Variants in SUCLG2 observed in about 807,000 individuals in gnomAD.
SUCLG2 encodes succinate-CoA ligase GDP-forming subunit beta.
Under a neutral mutation model 47.9 loss-of-function variants are expected in SUCLG2, and 42 were observed. That is an observed-to-expected ratio of 0.88 (90% CI 0.69 to 1.14). SUCLG2 has a LOEUF of 1.14. Ranked by LOEUF, SUCLG2 falls within the 50% of genes most tolerant of loss-of-function variation. The probability of loss-of-function intolerance (pLI) is 0.00; values close to 1 mark genes in which losing one functional copy is unlikely to be tolerated. For missense variants in SUCLG2, 571 were observed against 525.9 expected (o/e 1.09, Z -0.84); for synonymous variants, 195 against 197.3 (o/e 0.99, Z 0.10).
chr3:67,418,573 C>A (rs1315657302), intron 9 of SUCLG2, among the ~76,000 whole-genome samples: 1 of 152,134 alleles, frequency 6.6e-6, no homozygotes, highest in African/African-American at 2.4e-5. Flanking sequence ...TATGACAAAT[C>A]CAAAATTTTT....
At position 67,534,768 on chromosome 3, in the gene SUCLG2, C is replaced by CAAAAAA. The variant is rs60612549; in HGVS notation, c.227-5588_227-5583dup. ...GGACAGAACTCCCTAACACTGATGG[C>CAAAAAA]AAAAAAAAAAAAAAAAAAAAAAAAA... On this transcript the variant is annotated intron_variant, in intron 2 of 10. Coordinates refer to ENST00000307227, the MANE Select transcript of SUCLG2 (RefSeq NM_003848.4). Among the ~76,000 whole-genome samples, 106 of 34,944 alleles carry CAAAAAA rather than the reference C, an allele frequency of 3.0e-3. 12 individuals are homozygous for CAAAAAA. The highest frequency in any genetic ancestry group is 8.0e-3 in the African/African-American group (90 of 11,298). 22.9% of individuals were successfully genotyped at this position (34,944 alleles called of 152,430 possible). A position where few individuals can be genotyped will look rare whatever the true frequency, so the allele number is the denominator to read the frequency against.
intron 2 of SUCLG2, among the ~76,000 whole-genome samples, chr3:67,579,643 A>G (rs1402152769): frequency 6.6e-6 from 1 of 152,202 alleles, no homozygotes; most frequent in Non-Finnish European, 1.5e-5. Context: ...GAGCACAGTG[A>G]TATTCCAAGC....
At chr3:67,490,017 T>C (rs1408594830) in intron 9 of SUCLG2, among the ~76,000 whole-genome samples, 3 of 152,186 alleles carry the variant, frequency 2.0e-5, no homozygotes, top group Non-Finnish European at 4.4e-5. Context: ...AATCCAGTAT[T>C]TTCTTTGCTT....
At chr3:67,499,906 T>C (rs369262378) in intron 7 of SUCLG2, among the ~76,000 whole-genome samples, 29 of 152,126 alleles carry the variant, frequency 1.9e-4, no homozygotes, top group East Asian at 1.4e-3. Flanking sequence ...TAATTTTTTG[T>C]ATTTTTAGTA....
In SUCLG2 at chr3:67,462,970, T is replaced by C. The variant is rs1012051050; in HGVS notation, c.1062+32828A>G. On this transcript the variant is annotated intron_variant, in intron 9 of 10. Coordinates refer to ENST00000307227, the MANE Select transcript of SUCLG2 (RefSeq NM_003848.4). Reference sequence around the variant, plus strand: ...CCCCACACATTTGATCACAGAAGTCTTCTGTGTTGACTATTGTGGTGTGAA... The same window carrying C: ...CCCCACACATTTGATCACAGAAGTCCTCTGTGTTGACTATTGTGGTGTGAA... Among the ~76,000 whole-genome samples, 116 of 152,216 alleles carry C rather than the reference T, an allele frequency of 7.6e-4. 3 individuals are homozygous for C. Among genetic ancestry groups the C allele is most frequent in the Non-Finnish European group, 1.6e-4 (11 of 68,028 alleles).
chr3:67,641,946 G>A (rs1340530813), intron 1 of SUCLG2, among the ~76,000 whole-genome samples: 1 of 152,114 alleles, frequency 6.6e-6, no homozygotes, highest in Non-Finnish European at 1.5e-5. Context: ...TCTTCACATG[G>A]CTTTCTCCCT....
Position 67,609,816 on chromosome 3 carries a change from T to G in SUCLG2, c.85-220A>C, listed in dbSNP as rs576286245. 2.0e-5 allele frequency among the ~76,000 whole-genome samples: 3 copies of G among 152,274 alleles called. No homozygotes were observed. The East Asian group carries it at 5.8e-4, about 29-fold the overall frequency. ...ACACACACAAATGAATGCAGGTTTT[T>G]TAAAAATGCTGAAAGCTGAGTGAGC... On this transcript the variant is annotated intron_variant, in intron 1 of 10. Coordinates refer to ENST00000307227, the MANE Select transcript of SUCLG2 (RefSeq NM_003848.4).
At chr3:67,410,858 G>T (rs2106836083) in intron 9 of SUCLG2, among the ~76,000 whole-genome samples, 1 of 152,278 alleles carries the variant, frequency 6.6e-6, no homozygotes, top group Admixed American at 6.5e-5. Context: ...TGCTTTCAAA[G>T]CAGGATACTC....
intron 2 of SUCLG2, among the ~76,000 whole-genome samples, chr3:67,576,037 C>T (rs942876444): frequency 5.9e-5 from 9 of 152,180 alleles, no homozygotes; most frequent in Non-Finnish European, 8.8e-5. Flanking sequence ...TCACTGACAG[C>T]TGAGTCCTTT....
chr3:67,486,479 G>A (rs1310010118), intron 9 of SUCLG2, among the ~76,000 whole-genome samples: 2 of 152,110 alleles, frequency 1.3e-5, no homozygotes, highest in East Asian at 3.9e-4. Flanking sequence ...GAAAAACACA[G>A]TTACATTTTT....
At chr3:67,570,937 C>G (rs1481886970) in intron 2 of SUCLG2, among the ~76,000 whole-genome samples, 1 of 152,182 alleles carries the variant, frequency 6.6e-6, no homozygotes, top group Admixed American at 6.5e-5. Context: ...GGGGAAACCT[C>G]ACACTTGCAG....
chr3:67,428,583 C>G (rs892183409), intron 9 of SUCLG2, among the ~76,000 whole-genome samples: 1 of 152,210 alleles, frequency 6.6e-6, no homozygotes, highest in Admixed American at 6.5e-5. Context: ...TGGAACAAAG[C>G]TGAACAGAGA....
intron 2 of SUCLG2, among the ~76,000 whole-genome samples, chr3:67,538,869 T>C (rs936785838): frequency 3.3e-5 from 5 of 152,204 alleles, no homozygotes; most frequent in South Asian, 2.1e-4. Flanking sequence ...TGTCTATTAA[T>C]GGTGTATAGG....
At chr3:67,595,689 C>G (rs1708278666) in intron 2 of SUCLG2, among the ~76,000 whole-genome samples, 1 of 152,122 alleles carries the variant, frequency 6.6e-6, no homozygotes, top group Admixed American at 6.5e-5. Flanking sequence ...ATTTTATAAA[C>G]TATGGATTAG....
intron 10 of SUCLG2, among the ~76,000 whole-genome samples, chr3:67,390,561 G>A (rs533963305): frequency 5.3e-5 from 8 of 152,126 alleles, no homozygotes; most frequent in African/African-American, 9.6e-5. Flanking sequence ...AGACTCTTGC[G>A]TGAAATGAAC....
At chr3:67,380,854 C>T (rs1180001793) in intron 10 of SUCLG2, among the ~76,000 whole-genome samples, 1 of 152,036 alleles carries the variant, frequency 6.6e-6, no homozygotes, top group East Asian at 1.9e-4. Flanking sequence ...CACACCAGCC[C>T]CTACCCTGAT....
At chr3:67,631,275 T>A (rs779921447) in intron 1 of SUCLG2, among the ~76,000 whole-genome samples, 1 of 152,184 alleles carries the variant, frequency 6.6e-6, no homozygotes, top group African/African-American at 2.4e-5. Context: ...GACCCTCTTG[T>A]TACCTGCAGT....
intron 9 of SUCLG2, among the ~76,000 whole-genome samples, chr3:67,491,696 T>C (rs1705210914): frequency 1.3e-5 from 2 of 152,200 alleles, no homozygotes; most frequent in African/African-American, 4.8e-5. Context: ...TTAGATGATA[T>C]GTTCACTTTG....
intron 1 of SUCLG2, among the ~76,000 whole-genome samples, chr3:67,616,732 A>G (rs1700637057): frequency 6.6e-6 from 1 of 152,200 alleles, no homozygotes. Flanking sequence ...TAAATGTAGC[A>G]GGGTTCTTCA....
Sources: allele counts gnomAD v4.1 joint callset (sites outside exome capture counted in the v4.1 genomes callset), GRCh38; gene constraint gnomAD v4.1.1; transcripts MANE v1.5; gene names NCBI Gene and HGNC (gene_info 2026-07-23, HGNC 2026-07-21).